The following ZNF346 variants were observed in gnomAD, a reference collection of about 807,000 sequenced individuals.
ZNF346 encodes the protein zinc finger protein 346, also known as double-stranded RNA-binding zinc finger protein JAZ.
ZNF346 carries 23 observed loss-of-function variants against 33.7 expected under a neutral mutation model. That is an observed-to-expected ratio of 0.68 (90% confidence interval 0.49 to 0.97). The LOEUF (loss-of-function observed/expected upper bound fraction) is 0.97. Ranked by LOEUF, ZNF346 falls within the 50% of genes least tolerant of loss-of-function variation. The pLI is 0.00. For synonymous variants in ZNF346, 134 were observed against 142.4 expected, an observed-to-expected ratio of 0.94 and a Z score of 0.42; for missense variants, 340 against 371.1, an observed-to-expected ratio of 0.92 and a Z score of 0.69.
In ZNF346 at chr5:177,062,102, T is replaced by A. The variant is rs1446188817; in HGVS notation, c.748T>A (p.Ser250Thr). ...PCKTCKIVLNSIEQYQAHVSG... is the reference protein window; with the variant it reads ...PCKTCKIVLNTIEQYQAHVSG... The stretch of plus-strand genomic sequence containing the variant: ...CAAAACATGTAAGATAGTGCTGAAC[T>A]CCATAGAACAGTACCAAGCTCATGT... Residue 250 changes from serine (S) to threonine (T), a missense_variant, in exon 6 of 7, where the codon TCC becomes ACC. Coordinates refer to ENST00000358149, the MANE Select transcript of ZNF346 (RefSeq NM_012279.4). 1.9e-6 allele frequency: 3 copies of A among 1,614,100 alleles called. No individual in the cohort carries two copies. Among genetic ancestry groups the A allele is most frequent in the Admixed American group, 1.7e-5 (1 of 60,006 alleles).
At chr5:177,057,797 CTTATTTATTTATTTA>C (rs1781918038) in intron 5 of ZNF346, among the ~76,000 whole-genome samples, 1 of 133,264 alleles carries the variant, frequency 7.5e-6, no homozygotes, top group Admixed American at 7.5e-5. Context: ...CATAGATTTT[CTTATTTATTTATTTA>C]TTTATTTATT....
At chr5:177,064,113 T>C (rs1782895657) in intron 6 of ZNF346, among the ~76,000 whole-genome samples, 1 of 152,186 alleles carries the variant, frequency 6.6e-6, no homozygotes, top group Non-Finnish European at 1.5e-5. Flanking sequence ...GATTCAAGCC[T>C]GTTTGACTTC....
At chr5:177,035,079 C>T (rs764521582) in intron 1 of ZNF346, among the ~76,000 whole-genome samples, 26 of 151,732 alleles carry the variant, frequency 1.7e-4, no homozygotes, top group African/African-American at 5.6e-4. Flanking sequence ...TGTAGTGGCA[C>T]GATCTTGGCT....
In ZNF346 at chr5:177,041,858, A is replaced by G; in HGVS notation, c.360A>G (p.Leu120=). Residue 120 remains leucine, a synonymous_variant, in exon 3 of 7, where the codon CTA becomes CTG. Coordinates refer to ENST00000358149, the MANE Select transcript of ZNF346 (RefSeq NM_012279.4). ...CATTAAAGGGGGAAACGAAGAAGCTAGACTCAGATCAGGTAATACAGCTGC... is the reference window on the plus strand; with the variant it reads ...CATTAAAGGGGGAAACGAAGAAGCTGGACTCAGATCAGGTAATACAGCTGC... ...METLKGETKK[L]DSDQKSSRSK... is the part of the protein sequence containing the mutation. The G allele has an allele frequency of 6.2e-7, 1 of 1,611,300 alleles. No homozygotes were observed. The highest frequency in any genetic ancestry group is 8.5e-7 in the Non-Finnish European group (1 of 1,177,620).
Position 177,050,797 on chromosome 5 carries a change from C to T in ZNF346, c.564C>T (p.Ser188=). 5 of 1,614,128 alleles carry T rather than the reference C, an allele frequency of 3.1e-6. No individual in the cohort carries two copies. The highest frequency in any genetic ancestry group is 4.2e-6 in the Non-Finnish European group (5 of 1,179,972). ...REMIDPDKFC[S]LCHATFNDPV... ...TGATAGACCCAGACAAGTTCTGCAG[C>T]CTCTGCCATGCAACTTTCAACGACC... is the stretch of plus-strand genomic sequence containing the variant. The change falls in exon 5 of 7, where the codon AGC becomes AGT. Residue 188 remains serine, a synonymous_variant. Coordinates refer to ENST00000358149, the MANE Select transcript of ZNF346 (RefSeq NM_012279.4).
At chr5:177,049,535 A>G (rs1184179460) in intron 4 of ZNF346, among the ~76,000 whole-genome samples, 1 of 152,246 alleles carries the variant, frequency 6.6e-6, no homozygotes, top group African/African-American at 2.4e-5. Context: ...AGAGGCTCGC[A>G]TGTATGCCTA....
intron 4 of ZNF346, among the ~76,000 whole-genome samples, chr5:177,044,785 T>C (rs543377013): frequency 6.6e-6 from 1 of 152,328 alleles, no homozygotes; most frequent in East Asian, 1.9e-4. Flanking sequence ...CTAATAATTA[T>C]AACTCAGGAG....
chr5:177,051,060 T>TA, intron 5 of ZNF346, 124 bp downstream of exon 5: 1 of 674,698 alleles, frequency 1.5e-6, no homozygotes, highest in East Asian at 2.7e-5. Context: ...CTCAGATGGC[T>TA]ACAGAAGCCA....
intron 1 of ZNF346, among the ~76,000 whole-genome samples, chr5:177,029,366 C>T (rs1477983182): frequency 6.6e-6 from 1 of 152,158 alleles, no homozygotes; most frequent in Non-Finnish European, 1.5e-5. Context: ...CACATTAGAC[C>T]CTTCCAGACC....
Position 177,041,804 on chromosome 5 carries a change from G to C in ZNF346, c.306G>C (p.Lys102Asn). ...YQSKKHANKV[K>N]RYLAIHGMET... Reference sequence around the variant, plus strand: ...GCAAAAAACATGCCAACAAAGTGAAGAGATACCTAGCAATCCATGGAATGG... The same window carrying C: ...GCAAAAAACATGCCAACAAAGTGAACAGATACCTAGCAATCCATGGAATGG... Residue 102 changes from lysine to asparagine, a missense_variant, in exon 3 of 7, where the codon AAG becomes AAC. By Grantham distance (94) the Lys-to-Asn change is moderately conservative. Transcript: ENST00000358149. The C allele has an allele frequency of 1.2e-6, 2 of 1,613,636 alleles. No homozygotes were observed. Among genetic ancestry groups the C allele is most frequent in the Non-Finnish European group, 1.7e-6 (2 of 1,179,696 alleles).
At chr5:177,028,966 T>A (rs1310464756) in intron 1 of ZNF346, among the ~76,000 whole-genome samples, 1 of 151,684 alleles carries the variant, frequency 6.6e-6, no homozygotes, top group Non-Finnish European at 1.5e-5. Flanking sequence ...TAATCTGCCC[T>A]CCTCGGCCTC....
intron 4 of ZNF346, among the ~76,000 whole-genome samples, chr5:177,047,344 T>G (rs888031261): frequency 4.6e-5 from 7 of 151,418 alleles, no homozygotes; most frequent in South Asian, 2.1e-4. Context: ...TTTTTTGTTT[T>G]TTTTTTTTTT....
intron 4 of ZNF346, 126 bp from the exon 5 acceptor site, chr5:177,050,625 C>T (rs1780722924): frequency 7.2e-6 from 7 of 967,822 alleles, no homozygotes; most frequent in Non-Finnish European, 9.8e-6. Context: ...GTGTCACAGC[C>T]CTTTCTATTC....
At position 177,028,496 on chromosome 5, in the gene ZNF346, T is replaced by TTATATATATATATATA. The variant is rs150044807; in HGVS notation, c.175+5593_175+5608dup. Among the ~76,000 whole-genome samples the TTATATATATATATATA allele has an allele frequency of 3.1e-3, 280 of 90,482 alleles. 12 individuals carry two copies. Among genetic ancestry groups the TTATATATATATATATA allele is most frequent in the Admixed American group, 4.4e-3 (38 of 8,576 alleles). 59.4% of individuals were successfully genotyped at this position (90,482 alleles called of 152,430 possible). On this transcript the variant is annotated intron_variant, in intron 1 of 6. Coordinates refer to ENST00000358149, the MANE Select transcript of ZNF346 (RefSeq NM_012279.4). The stretch of plus-strand genomic sequence containing the variant: ...TTCTCTCTTAAGCACTTGTGACGTT[T>TTATATATATATATATA]TATATATATATATATATATATATAT...
intron 4 of ZNF346, among the ~76,000 whole-genome samples, chr5:177,048,127 G>A (rs139922279): frequency 6.6e-6 from 1 of 152,092 alleles, no homozygotes; most frequent in Non-Finnish European, 1.5e-5. Context: ...GAACATCTCT[G>A]TAGAACACTT....
chr5:177,024,982 A>G (rs1415222077), intron 1 of ZNF346, among the ~76,000 whole-genome samples: 1 of 152,184 alleles, frequency 6.6e-6, no homozygotes, highest in Non-Finnish European at 1.5e-5. Flanking sequence ...TTTATATACC[A>G]TACAAGTCAC....
Position 177,065,920 on chromosome 5 carries a change from C to T in ZNF346, c.*1321C>T, listed in dbSNP as rs1783127396. ...TGTGCTTCTGTGTGTGCCTAATGCTCTGTCTCTTGGTCACTGAAGCATCCA... is the reference window on the plus strand; with the variant it reads ...TGTGCTTCTGTGTGTGCCTAATGCTTTGTCTCTTGGTCACTGAAGCATCCA... On this transcript the variant is annotated 3_prime_UTR_variant, in exon 7 of 7. Transcript: ENST00000358149. 1 of 150,056 alleles carries T rather than the reference C, an allele frequency of 6.7e-6. No individual in the cohort carries two copies. Among genetic ancestry groups the T allele is most frequent in the Non-Finnish European group, 1.5e-5 (1 of 67,678 alleles). The allele number at this position is 150,056 out of a possible 1,614,324, so 9.3% of individuals were successfully genotyped here.
rs759542691 is a variant in ZNF346, at chr5:177,064,564, C to T, written c.850C>T (p.Pro284Ser). 1.2e-6 allele frequency: 2 copies of T among 1,614,202 alleles called. No individual in the cohort carries two copies. Among genetic ancestry groups the T allele is most frequent in the South Asian group, 1.1e-5 (1 of 91,088 alleles). ...GGGCCAGATTCCAATGCAAAGGCAA[C>T]CCATTCAGAAAGACTCAACCACCTT... ...SLGQIPMQRQ[P>S]IQKDSTTLED The change falls in exon 7 of 7, where the codon CCC becomes TCC. Residue 284 changes from proline (P) to serine (S), a missense_variant. Pro to Ser is a moderately conservative substitution (Grantham distance 74, BLOSUM62 -1). Coordinates refer to ENST00000358149, the MANE Select transcript of ZNF346 (RefSeq NM_012279.4).
At position 177,062,089 on chromosome 5, in the gene ZNF346, G is replaced by T; in HGVS notation, c.735G>T (p.Lys245Asn). 1.9e-6 allele frequency: 3 copies of T among 1,614,112 alleles called. No individual in the cohort carries two copies. The highest frequency in any genetic ancestry group is 1.1e-5 in the South Asian group (1 of 91,078). ...AGKGYPCKTC[K>N]IVLNSIEQYQ... The stretch of plus-strand genomic sequence containing the variant: ...AGGGCTACCCCTGCAAAACATGTAA[G>T]ATAGTGCTGAACTCCATAGAACAGT... Residue 245 changes from lysine to asparagine, a missense_variant, in exon 6 of 7, where the codon AAG becomes AAT. Coordinates refer to ENST00000358149, the MANE Select transcript of ZNF346 (RefSeq NM_012279.4).
Sources: allele counts gnomAD v4.1 joint callset (sites outside exome capture counted in the v4.1 genomes callset), GRCh38; gene constraint gnomAD v4.1.1; transcripts MANE v1.5; gene names NCBI Gene and HGNC (gene_info 2026-07-23, HGNC 2026-07-21).